Variants in TCF20 observed in about 807,000 individuals in gnomAD.
TCF20 encodes the protein transcription factor 20, also known as SPRE-binding protein.
In TCF20, 3 loss-of-function variants were observed where a neutral mutation model predicts 148.6. The ratio of observed to expected loss-of-function variants is 0.02; its 90% CI spans 0.01 to 0.05. The LOEUF (loss-of-function observed/expected upper bound fraction) is 0.05, where lower values mean the gene tolerates loss of function less well. TCF20 is among the 10% of genes least tolerant of loss of function. The pLI, the probability that TCF20 is intolerant of heterozygous loss-of-function variation, is 1.00. For missense variants in TCF20, 2,350 were observed against 2,429.3 expected, an observed-to-expected ratio of 0.97 and a Z score of 0.69; for synonymous variants, 1,049 against 909.5, an observed-to-expected ratio of 1.15 and a Z score of -2.76.
chr22:42,336,135 G>A (rs1027270400), intron 1 of TCF20, among the ~76,000 whole-genome samples: 6 of 152,296 alleles, frequency 3.9e-5, no homozygotes, highest in Admixed American at 3.9e-4. Flanking sequence ...AGGATGGCAC[G>A]GCTGCAGGCA....
At chr22:42,232,980 G>T (rs1031340043) in intron 1 of TCF20, among the ~76,000 whole-genome samples, 3 of 152,066 alleles carry the variant, frequency 2.0e-5, no homozygotes, top group African/African-American at 4.8e-5. Flanking sequence ...GAGTGCACTG[G>T]TGCAATCTCG....
rs1202007034 is a variant in TCF20, at chr22:42,160,111, C to CA, written c.*1291dup. ...GTTTGTGAAACAGCTATTTTATCCC[C>CA]ATGGCAGAGTGACCCCTGAAAGATG... On this transcript the variant is annotated 3_prime_UTR_variant, in exon 6 of 6. Transcript: ENST00000677622. The CA allele has an allele frequency of 6.6e-6, 1 of 152,428 alleles. No individual in the cohort carries two copies. Among genetic ancestry groups the CA allele is most frequent in the African/African-American group, 2.4e-5 (1 of 41,336 alleles). The allele number at this position is 152,428 out of a possible 1,614,324, so 9.4% of individuals were successfully genotyped here.
At chr22:42,192,987 GAA>G (rs954700690) in intron 2 of TCF20, among the ~76,000 whole-genome samples, 1 of 152,188 alleles carries the variant, frequency 6.6e-6, no homozygotes, top group Non-Finnish European at 1.5e-5. Flanking sequence ...CACTGTCCCA[GAA>G]GAGACTGAAT....
intron 1 of TCF20, among the ~76,000 whole-genome samples, chr22:42,263,036 T>G (rs992179104): frequency 6.6e-6 from 1 of 152,106 alleles, no homozygotes; most frequent in Non-Finnish European, 1.5e-5. Context: ...CTGCAGGCAG[T>G]CCACTTCACC....
chr22:42,207,221 C>T (rs1051305559), intron 2 of TCF20, among the ~76,000 whole-genome samples: 3 of 152,060 alleles, frequency 2.0e-5, no homozygotes, highest in African/African-American at 7.2e-5. Context: ...TGTCAAAGTC[C>T]GCGCACTGAA....
At chr22:42,237,097 T>C (rs1005835132) in intron 1 of TCF20, among the ~76,000 whole-genome samples, 1 of 152,148 alleles carries the variant, frequency 6.6e-6, no homozygotes, top group African/African-American at 2.4e-5. Flanking sequence ...CTCTTCCTTT[T>C]CTAAGAGATT....
At chr22:42,312,055 T>C (rs1433779712) in intron 1 of TCF20, among the ~76,000 whole-genome samples, 1 of 152,172 alleles carries the variant, frequency 6.6e-6, no homozygotes, top group African/African-American at 2.4e-5. Context: ...ATGGGGAAGG[T>C]TGCTCCTAGG....
intron 1 of TCF20, among the ~76,000 whole-genome samples, chr22:42,258,820 A>C (rs886743669): frequency 1.6e-4 from 25 of 152,232 alleles, no homozygotes; most frequent in African/African-American, 5.8e-4. Context: ...CTTAGGACGG[A>C]TGGGTTTATC....
At chr22:42,322,142 A>T (rs2147050284) in intron 1 of TCF20, among the ~76,000 whole-genome samples, 1 of 151,776 alleles carries the variant, frequency 6.6e-6, no homozygotes, top group African/African-American at 2.4e-5. Context: ...TTCCTTTCTC[A>T]TTCAAAAAGA....
At chr22:42,180,328 C>A (rs1936709226) in intron 2 of TCF20, among the ~76,000 whole-genome samples, 1 of 152,114 alleles carries the variant, frequency 6.6e-6, no homozygotes, top group Non-Finnish European at 1.5e-5. Flanking sequence ...AGAAAACCTG[C>A]CATGAATTTC....
At chr22:42,191,477 CGGGGTT>C (rs1206304982) in intron 2 of TCF20, among the ~76,000 whole-genome samples, 11 of 152,060 alleles carry the variant, frequency 7.2e-5, no homozygotes, top group Non-Finnish European at 1.3e-4. Context: ...TTAGTAGAGA[CGGGGTT>C]TCACCATATT....
chr22:42,253,046 C>A (rs1306075539), intron 1 of TCF20, among the ~76,000 whole-genome samples: 1 of 151,862 alleles, frequency 6.6e-6, no homozygotes, highest in Admixed American at 6.6e-5. Context: ...AAAACTAAGG[C>A]CTTCAAGTGA....
intron 3 of TCF20, 129 bp from the exon 4 acceptor site, chr22:42,170,025 A>G (rs1756437498): frequency 1.3e-6 from 1 of 798,272 alleles, no homozygotes; most frequent in Admixed American, 2.6e-5. Context: ...ATAGGAAAAC[A>G]TTAGAGACAA....
intron 5 of TCF20, among the ~76,000 whole-genome samples, chr22:42,162,855 T>C (rs1243822043): frequency 6.6e-6 from 1 of 152,192 alleles, no homozygotes; most frequent in Non-Finnish European, 1.5e-5. Context: ...GCACATGCTC[T>C]TGCCCAAGGA....
intron 1 of TCF20, among the ~76,000 whole-genome samples, chr22:42,224,732 A>T (rs1275257352): frequency 6.6e-6 from 1 of 152,128 alleles, no homozygotes; most frequent in Admixed American, 6.5e-5. Flanking sequence ...CCACTCAAAG[A>T]AATAGTACAT....
intron 1 of TCF20, among the ~76,000 whole-genome samples, chr22:42,332,025 A>G (rs964940756): frequency 1.3e-5 from 2 of 152,266 alleles, no homozygotes; most frequent in Admixed American, 1.3e-4. Flanking sequence ...GATGACAGGA[A>G]GGAAGAGTGA....
Position 42,210,083 on chromosome 22 carries a change from C to T in TCF20, c.5223G>A (p.Arg1741=). The T allele has an allele frequency of 6.2e-7, 1 of 1,613,876 alleles. No homozygotes were observed. The highest frequency in any genetic ancestry group is 8.5e-7 in the Non-Finnish European group (1 of 1,180,008). Residue 1741 remains arginine (R), a synonymous_variant, in exon 2 of 6, where the codon AGG becomes AGA. Transcript: ENST00000677622. This position sits in a 1 kb window ranked among gnomAD's most constrained non-coding sequence, Gnocchi z 4.7. The part of the protein sequence containing the change: ...ATLPKNPPPK[R]ATEMQSKVKV... ...TAACTTTGCTCTGCATTTCTGTGGC[C>T]CTCTTAGGAGGTGGATTCTTCGGGA...
chr22:42,296,378 C>T (rs756672142), intron 1 of TCF20, among the ~76,000 whole-genome samples: 11 of 152,264 alleles, frequency 7.2e-5, no homozygotes, highest in Non-Finnish European at 1.3e-4. Context: ...TTTGCTGCTG[C>T]TTTGCAAACC....
intron 1 of TCF20, among the ~76,000 whole-genome samples, chr22:42,327,989 C>T (rs1413696445): frequency 1.3e-5 from 2 of 152,098 alleles, no homozygotes; most frequent in African/African-American, 4.8e-5. Flanking sequence ...TAGCTCTGGG[C>T]CCCCTCCTCC....
Sources: allele counts gnomAD v4.1 joint callset (sites outside exome capture counted in the v4.1 genomes callset), GRCh38; gene constraint gnomAD v4.1.1; non-coding constraint Gnocchi (gnomAD v3.1); transcripts MANE v1.5; gene names NCBI Gene and HGNC (gene_info 2026-07-23, HGNC 2026-07-21).